Variants in ETV6 observed in about 807,000 individuals in gnomAD.
ETV6 encodes the protein transcription factor ETV6.
ETV6 carries 16 observed loss-of-function variants against 51.1 expected under a neutral mutation model. The observed-to-expected ratio is 0.31, with a 90% CI of 0.21 to 0.48. ETV6 has a LOEUF of 0.48. Among genes scored for constraint, ETV6 ranks in the 20% least tolerant of loss-of-function variants. The pLI is 0.99. For missense variants in ETV6, 458 were observed against 594.8 expected (o/e 0.77, Z 2.39); for synonymous variants, 240 against 224.1 (o/e 1.07, Z -0.64).
chr12:11,788,223 A>T (rs1490105652), intron 2 of ETV6, among the ~76,000 whole-genome samples: 2 of 152,336 alleles, frequency 1.3e-5, no homozygotes, highest in East Asian at 3.9e-4. Context: ...GTCACACTGC[A>T]TAGTATTGGT....
At chr12:11,784,015 G>GTC (rs1945446567) in intron 2 of ETV6, among the ~76,000 whole-genome samples, 2 of 151,316 alleles carry the variant, frequency 1.3e-5, no homozygotes, top group Admixed American at 1.3e-4. Flanking sequence ...TTGTCTGTCT[G>GTC]TGTGGTTTCC....
intron 2 of ETV6, among the ~76,000 whole-genome samples, chr12:11,774,755 C>T (rs1317320062): frequency 2.0e-5 from 3 of 152,322 alleles, no homozygotes; most frequent in Admixed American, 6.5e-5. Flanking sequence ...ACGCCAGCCA[C>T]GGTACTGAGG....
intron 1 of ETV6, 149 bp downstream of exon 1, chr12:11,650,309 G>T: frequency 1.4e-6 from 1 of 734,406 alleles, no homozygotes. Flanking sequence ...TGCAGCTCGC[G>T]GTGGCTGCTG....
intron 2 of ETV6, 46 bp downstream of exon 2, chr12:11,752,625 G>GC (rs767294523): frequency 6.4e-7 from 1 of 1,572,038 alleles, no homozygotes. Context: ...ATGGCGTGGG[G>GC]CGGGGGTGGC....
intron 2 of ETV6, among the ~76,000 whole-genome samples, chr12:11,753,871 A>G (rs1049349005): frequency 6.6e-6 from 1 of 152,216 alleles, no homozygotes; most frequent in Non-Finnish European, 1.5e-5. Context: ...TATGGTCAAG[A>G]CATTTCTGCT....
At chr12:11,752,800 T>A (rs531501197) in intron 2 of ETV6, 54 of 433,072 alleles carry the variant, frequency 1.2e-4, no homozygotes, top group African/African-American at 1.0e-3. Context: ...TCCCTGACTA[T>A]GACATGTTAA....
chr12:11,679,572 A>G (rs927963302), intron 1 of ETV6, among the ~76,000 whole-genome samples: 1 of 152,218 alleles, frequency 6.6e-6, no homozygotes, highest in African/African-American at 2.4e-5. Context: ...GCCACAAAGC[A>G]TGTTGAATGG....
At chr12:11,706,170 G>T (rs1452445482) in intron 1 of ETV6, among the ~76,000 whole-genome samples, 2 of 152,180 alleles carry the variant, frequency 1.3e-5, no homozygotes, top group Non-Finnish European at 2.9e-5. Flanking sequence ...CTTCCCAGTT[G>T]GTTAAAGGAA....
intron 5 of ETV6, among the ~76,000 whole-genome samples, chr12:11,884,122 G>C (rs528158524): frequency 6.6e-6 from 1 of 152,142 alleles, no homozygotes; most frequent in African/African-American, 2.4e-5. Context: ...GTTAGAACTT[G>C]CCTCCCGTCT....
intron 2 of ETV6, among the ~76,000 whole-genome samples, chr12:11,773,300 CAA>C (rs1945270349): frequency 6.6e-6 from 1 of 150,412 alleles, no homozygotes; most frequent in African/African-American, 2.4e-5. Context: ...AGCAAGAGCT[CAA>C]AGAGCCATAT....
At chr12:11,776,171 AT>A (rs1945321522) in intron 2 of ETV6, among the ~76,000 whole-genome samples, 1 of 152,152 alleles carries the variant, frequency 6.6e-6, no homozygotes, top group Admixed American at 6.5e-5. Context: ...GATAGAATTG[AT>A]TCTTTACACT....
At chr12:11,775,290 T>C (rs1945304364) in intron 2 of ETV6, among the ~76,000 whole-genome samples, 1 of 152,198 alleles carries the variant, frequency 6.6e-6, no homozygotes, top group Non-Finnish European at 1.5e-5. Context: ...TGATGTTGTA[T>C]TGCAGCCTCC....
Position 11,669,759 on chromosome 12 carries a change from A to G in ETV6, c.33+19599A>G, listed in dbSNP as rs557294902. Among the ~76,000 whole-genome samples the G allele has an allele frequency of 2.8e-4, 43 of 152,304 alleles. 1 individual carries two copies. Among genetic ancestry groups the G allele is most frequent in the African/African-American group, 8.9e-4 (37 of 41,556 alleles). On this transcript the variant is annotated intron_variant, in intron 1 of 7. Coordinates refer to ENST00000396373, the MANE Select transcript of ETV6 (RefSeq NM_001987.5). ...GAACCCTCTTTTTCTTTATTAATAT[A>G]AAATAATCTTGGTCCTGCCTCATTT...
intron 3 of ETV6, among the ~76,000 whole-genome samples, chr12:11,849,284 T>G (rs1946511206): frequency 6.6e-6 from 1 of 151,354 alleles, no homozygotes; most frequent in Admixed American, 6.6e-5. Context: ...CTAATTTTTG[T>G]TTTTTTTGTA....
intron 1 of ETV6, among the ~76,000 whole-genome samples, chr12:11,742,983 T>G (rs1274790509): frequency 6.6e-6 from 1 of 152,200 alleles, no homozygotes; most frequent in Non-Finnish European, 1.5e-5. Context: ...ATTTTTCATA[T>G]TTTTTGTAGA....
rs551362084 is a variant in ETV6 at position 11,861,784 on chromosome 12, C to G, written c.464-7640C>G. On this transcript the variant is annotated intron_variant, in intron 4 of 7. Coordinates refer to ENST00000396373, the MANE Select transcript of ETV6 (RefSeq NM_001987.5). The stretch of plus-strand genomic sequence containing the variant: ...GGTCATCTTGCTCTTTTCCCCACTC[C>G]AGGGCCTCTCTGCCTTATCTCTGTG... Among the ~76,000 whole-genome samples the G allele has an allele frequency of 1.7e-4, 26 of 152,330 alleles. No homozygotes were observed. The South Asian group carries it at 4.8e-3, about 28-fold the overall frequency.
At chr12:11,751,478 C>T in intron 1 of ETV6, 1 of 517,462 alleles carries the variant, frequency 1.9e-6, no homozygotes. Flanking sequence ...TGCAAGTCAA[C>T]CTAGTTGGCA....
chr12:11,878,974 C>T (rs1001870220), intron 5 of ETV6, among the ~76,000 whole-genome samples: 2 of 151,892 alleles, frequency 1.3e-5, no homozygotes, highest in African/African-American at 4.8e-5. Context: ...CAGCAGCATC[C>T]CTGGCCTCTA....
intron 2 of ETV6, among the ~76,000 whole-genome samples, chr12:11,781,424 TG>T (rs1185406475): frequency 1.3e-5 from 2 of 152,214 alleles, no homozygotes; most frequent in Non-Finnish European, 2.9e-5. Flanking sequence ...AGTTTTGCCA[TG>T]TGAAACCAGA....
Sources: gnomAD v4.1 joint callset for allele counts (sites outside exome capture counted in the v4.1 genomes callset) on GRCh38, gnomAD v4.1.1 for gene constraint, MANE v1.5 for transcripts, NCBI Gene and HGNC (gene_info 2026-07-23, HGNC 2026-07-21) for gene names.